PGGT1B: variants seen among roughly 807,000 people sequenced by gnomAD.
The protein encoded by PGGT1B is geranylgeranyl transferase type-1 subunit beta.
A neutral mutation model predicts 46.1 loss-of-function variants in PGGT1B; 30 were observed. The observed-to-expected ratio is 0.65, with a 90% confidence interval of 0.49 to 0.88. The LOEUF is 0.88. PGGT1B is among the 40% of genes least tolerant of loss of function. The pLI is 0.00. For synonymous variants in PGGT1B, 170 were observed against 160.0 expected, an observed-to-expected ratio of 1.06 and a Z score of -0.47; for missense variants, 376 against 455.9, an observed-to-expected ratio of 0.82 and a Z score of 1.60.
chr5:115,228,626 T>C (rs1756871392), intron 6 of PGGT1B, among the ~76,000 whole-genome samples: 2 of 152,060 alleles, frequency 1.3e-5, no homozygotes, highest in South Asian at 4.1e-4. Flanking sequence ...GAAGATTCTA[T>C]GTACAATGAA....
At chr5:115,225,641 T>C (rs1380280244) in intron 6 of PGGT1B, among the ~76,000 whole-genome samples, 2 of 150,608 alleles carry the variant, frequency 1.3e-5, no homozygotes, top group Non-Finnish European at 3.0e-5. Flanking sequence ...ATTAAAAAGG[T>C]AAAGTAAATT....
intron 5 of PGGT1B, among the ~76,000 whole-genome samples, chr5:115,235,038 T>C (rs1473537935): frequency 1.3e-5 from 2 of 151,886 alleles, no homozygotes; most frequent in African/African-American, 2.4e-5. Flanking sequence ...CTCAAAGAAA[T>C]GACTGATTCC....
At chr5:115,222,044 A>G in intron 6 of PGGT1B, 36 bp from the exon 7 acceptor site, 1 of 1,283,840 alleles carries the variant, frequency 7.8e-7, no homozygotes, top group Non-Finnish European at 1.1e-6. Context: ...TTAAACTTCA[A>G]ATTAGATGCT....
At chr5:115,254,629 C>T (rs755760691) in intron 1 of PGGT1B, among the ~76,000 whole-genome samples, 67 of 147,878 alleles carry the variant, frequency 4.5e-4, no homozygotes, top group Admixed American at 3.7e-3. Context: ...GGCAAATTAT[C>T]GCTCTGATCC....
At position 115,208,666 on chromosome 5, in the gene PGGT1B, C is replaced by T. The variant is rs1479582102; in HGVS notation, c.*3736G>A. 1 of 151,950 alleles carries T rather than the reference C, an allele frequency of 6.6e-6. No homozygotes were observed. The highest frequency in any genetic ancestry group is 2.4e-5 in the African/African-American group (1 of 41,402). 9.4% of individuals were successfully genotyped at this position (151,950 alleles called of 1,614,324 possible). A position where few individuals can be genotyped will look rare whatever the true frequency, so the allele number is the denominator to read the frequency against. ...CTCAACTCCCCGCACTACCCATCAC[C>T]AACTTGGATTTATTATTGCCTCTAT... On this transcript the variant is annotated 3_prime_UTR_variant, in exon 9 of 9. Coordinates refer to ENST00000419445, the MANE Select transcript of PGGT1B (RefSeq NM_005023.4).
At chr5:115,252,846 T>A (rs2127029176) in intron 2 of PGGT1B, 1 of 260,804 alleles carries the variant, frequency 3.8e-6, no homozygotes, top group Non-Finnish European at 7.2e-6. Context: ...ACATAAATAC[T>A]GACTATAAAT....
intron 1 of PGGT1B, among the ~76,000 whole-genome samples, chr5:115,255,006 A>G (rs1054072709): frequency 2.6e-5 from 4 of 152,124 alleles, no homozygotes; most frequent in Admixed American, 1.3e-4. Context: ...AAGTTGGCCA[A>G]TTTCACTAGA....
chr5:115,229,280 T>C (rs984284677), intron 6 of PGGT1B, among the ~76,000 whole-genome samples: 1 of 152,134 alleles, frequency 6.6e-6, no homozygotes, highest in Non-Finnish European at 1.5e-5. Flanking sequence ...TCCTGCTTGG[T>C]TGTTCCAAAG....
intron 2 of PGGT1B, chr5:115,252,752 CTT>C (rs1312389743): frequency 6.4e-6 from 1 of 156,396 alleles, no homozygotes; most frequent in African/African-American, 2.4e-5. Context: ...TGAAAGAAAA[CTT>C]TTCGATGGCA....
chr5:115,206,074 G>T lies in PGGT1B; in HGVS notation c.*6328C>A, dbSNP rs1756053289. On this transcript the variant is annotated 3_prime_UTR_variant, in exon 9 of 9. Transcript: ENST00000419445. ...AGGCATTCATAATACATTGTTGAAT[G>T]AAAAAAAACCATGGAATATTTAGTA... 1 of 150,852 alleles carries T rather than the reference G, an allele frequency of 6.6e-6. No individual in the cohort carries two copies. The highest frequency in any genetic ancestry group is 2.1e-4 in the South Asian group (1 of 4,802). The allele number at this position is 150,852 out of a possible 1,614,324, so 9.3% of individuals were successfully genotyped here. A position where few individuals can be genotyped will look rare whatever the true frequency, so the allele number is the denominator to read the frequency against.
chr5:115,233,105 T>A (rs557199846), intron 5 of PGGT1B, among the ~76,000 whole-genome samples: 1 of 151,972 alleles, frequency 6.6e-6, no homozygotes, highest in Admixed American at 6.6e-5. Flanking sequence ...AACTCTGAGA[T>A]GAAAATACAG....
chr5:115,239,471 A>G (rs1476871295), intron 3 of PGGT1B, among the ~76,000 whole-genome samples: 1 of 152,144 alleles, frequency 6.6e-6, no homozygotes, highest in East Asian at 1.9e-4. Flanking sequence ...CACATTTACA[A>G]CTGACTTCTT....
At position 115,236,404 on chromosome 5, in the gene PGGT1B, T is replaced by C; in HGVS notation, c.598A>G (p.Ile200Val). 6.3e-7 allele frequency: 1 copy of C among 1,593,258 alleles called. No homozygotes were observed. Among genetic ancestry groups the C allele is most frequent in the Non-Finnish European group, 8.5e-7 (1 of 1,172,628 alleles). Residue 200 changes from isoleucine (I) to valine (V), a missense_variant, in exon 5 of 9, where the codon ATT becomes GTT. Transcript: ENST00000419445. The stretch of plus-strand genomic sequence containing the variant: ...ACAGAACTCACCATACTCCTTCTAA[T>C]ATAGGTGATGGCTTTTTTCATATCC... ...GMDMKKAITY[I>V]RRSMSYDNGL...
At position 115,210,263 on chromosome 5, in the gene PGGT1B, A is replaced by G. The variant is rs1756183829; in HGVS notation, c.*2139T>C. 6.6e-6 allele frequency: 1 copy of G among 152,030 alleles called. No individual in the cohort carries two copies. The highest frequency in any genetic ancestry group is 1.5e-5 in the Non-Finnish European group (1 of 67,978). The allele number at this position is 152,030 out of a possible 1,614,324, so 9.4% of individuals were successfully genotyped here. A position where few individuals can be genotyped will look rare whatever the true frequency, so the allele number is the denominator to read the frequency against. On this transcript the variant is annotated 3_prime_UTR_variant, in exon 9 of 9. Coordinates refer to ENST00000419445, the MANE Select transcript of PGGT1B (RefSeq NM_005023.4). ...AGAGTAGGTAACAGAGCTTTTTGAG[A>G]TTTCGGACTTCGTATTTTCCCTCAT...
intron 2 of PGGT1B, among the ~76,000 whole-genome samples, chr5:115,252,542 A>C (rs1310184832): frequency 2.6e-5 from 4 of 152,002 alleles, no homozygotes; most frequent in African/African-American, 9.7e-5. Context: ...TAGATATTTT[A>C]TACTTAATAG....
chr5:115,212,301 A>C lies in PGGT1B; in HGVS notation c.*101T>G. ...AATCAGCAGGAGATTTGATTGTAAG[A>C]CTCTACCTTTTAAAAAAAGAGCACA... On this transcript the variant is annotated 3_prime_UTR_variant, in exon 9 of 9. Coordinates refer to ENST00000419445, the MANE Select transcript of PGGT1B (RefSeq NM_005023.4). 3 of 1,565,412 alleles carry C rather than the reference A, an allele frequency of 1.9e-6. No individual in the cohort carries two copies. Among genetic ancestry groups the C allele is most frequent in the African/African-American group, 1.4e-5 (1 of 73,536 alleles).
chr5:115,256,690 A>G lies in PGGT1B; in HGVS notation c.141-3435T>C, dbSNP rs1023206064. On this transcript the variant is annotated intron_variant, in intron 1 of 8. Coordinates refer to ENST00000419445, the MANE Select transcript of PGGT1B (RefSeq NM_005023.4). ...TCCAATCACATCAGAATTCTCAAGTAGTCCTAAAACTGAAAGAGAGAGAAT... is the reference window on the plus strand; with the variant it reads ...TCCAATCACATCAGAATTCTCAAGTGGTCCTAAAACTGAAAGAGAGAGAAT... Among the ~76,000 whole-genome samples, 12 of 152,344 alleles carry G rather than the reference A, an allele frequency of 7.9e-5. 1 individual carries two copies. The highest frequency in any genetic ancestry group is 2.0e-4 in the Admixed American group (3 of 15,300).
intron 6 of PGGT1B, among the ~76,000 whole-genome samples, chr5:115,230,072 A>T (rs1235747920): frequency 1.3e-5 from 2 of 152,060 alleles, no homozygotes; most frequent in Non-Finnish European, 2.9e-5. Context: ...CAGGTTTATG[A>T]TTTACAAACC....
intron 2 of PGGT1B, among the ~76,000 whole-genome samples, chr5:115,247,866 G>T (rs922368315): frequency 6.6e-6 from 1 of 152,140 alleles, no homozygotes; most frequent in African/African-American, 2.4e-5. Context: ...AAGGTCTGTG[G>T]AATGGTCTAC....
Sources: gnomAD v4.1 joint callset for allele counts (sites outside exome capture counted in the v4.1 genomes callset) on GRCh38, gnomAD v4.1.1 for gene constraint, MANE v1.5 for transcripts, NCBI Gene and HGNC (gene_info 2026-07-23, HGNC 2026-07-21) for gene names.